Variants in IGF2BP2 observed in about 807,000 individuals in gnomAD.
The protein encoded by IGF2BP2 is insulin like growth factor 2 mRNA binding protein 2, also known as insulin-like growth factor 2 mRNA-binding protein 2.
Under a neutral mutation model 75.8 loss-of-function variants are expected in IGF2BP2, and 17 were observed. The ratio of observed to expected loss-of-function variants is 0.22; its 90% CI spans 0.15 to 0.34. The LOEUF (loss-of-function observed/expected upper bound fraction) is 0.34, where lower values mean the gene tolerates loss of function less well. IGF2BP2 is among the 10% of genes least tolerant of loss of function. The pLI is 1.00. For synonymous variants in IGF2BP2, 288 were observed against 295.6 expected (o/e 0.97, Z 0.26); for missense variants, 516 against 772.4 (o/e 0.67, Z 3.93).
rs530973175 is a variant in IGF2BP2 at position 185,777,628 on chromosome 3, A to G, written c.239+45525T>C. On this transcript the variant is annotated intron_variant, in intron 2 of 15. Coordinates refer to ENST00000382199, the MANE Select transcript of IGF2BP2 (RefSeq NM_006548.6). ...ATAAAAACAAGTAAGATCATTATTT[A>G]CCCAATTTTCAGTGAATCAGTGAGT... Among the ~76,000 whole-genome samples the G allele has an allele frequency of 3.3e-5, 5 of 152,366 alleles. No homozygotes were observed. The South Asian group carries it at 1.0e-3, about 32-fold the overall frequency.
intron 12 of IGF2BP2, among the ~76,000 whole-genome samples, chr3:185,656,782 G>A (rs1227248537): frequency 6.6e-6 from 1 of 152,230 alleles, no homozygotes; most frequent in Non-Finnish European, 1.5e-5. Context: ...ATAAGTCAAG[G>A]ACCGTCCTTC....
chr3:185,740,639 A>ATCCTTTGAGCTACTCT, intron 2 of IGF2BP2, among the ~76,000 whole-genome samples: 1 of 152,322 alleles, frequency 6.6e-6, no homozygotes. Context: ...ATCAAGAGTA[A>ATCCTTTGAGCTACTCT]TCCTTTGAGC....
At chr3:185,802,530 T>A (rs1738422663) in intron 2 of IGF2BP2, among the ~76,000 whole-genome samples, 1 of 152,224 alleles carries the variant, frequency 6.6e-6, no homozygotes, top group East Asian at 1.9e-4. Flanking sequence ...GGTGCTGAAG[T>A]CATGCTCTTC....
intron 2 of IGF2BP2, among the ~76,000 whole-genome samples, chr3:185,814,999 A>G (rs2150033547): frequency 6.6e-6 from 1 of 152,270 alleles, no homozygotes; most frequent in Middle Eastern, 3.4e-3. Context: ...ATCTTTGTGC[A>G]ACATTCTGTA....
At chr3:185,774,594 C>A (rs1487368247) in intron 2 of IGF2BP2, among the ~76,000 whole-genome samples, 65 of 128,952 alleles carry the variant, frequency 5.0e-4, no homozygotes, top group South Asian at 7.6e-4. Flanking sequence ...GACTCTGTCT[C>A]AAAAAAAAAA....
At chr3:185,777,065 C>A (rs891778537) in intron 2 of IGF2BP2, among the ~76,000 whole-genome samples, 3 of 152,126 alleles carry the variant, frequency 2.0e-5, no homozygotes, top group African/African-American at 7.2e-5. Context: ...ATGAGTTTGG[C>A]TCTGAGCTTC....
At chr3:185,708,890 C>T (rs920216466) in intron 2 of IGF2BP2, among the ~76,000 whole-genome samples, 4 of 152,160 alleles carry the variant, frequency 2.6e-5, no homozygotes, top group African/African-American at 9.7e-5. Context: ...CATCTGCATG[C>T]CTGCTTTCAG....
At chr3:185,794,716 G>A (rs1737119484) in intron 2 of IGF2BP2, among the ~76,000 whole-genome samples, 1 of 151,124 alleles carries the variant, frequency 6.6e-6, no homozygotes, top group African/African-American at 2.4e-5. Context: ...GCTCAGTGGT[G>A]GTAAGTACAT....
At chr3:185,704,974 C>G (rs1401133971) in intron 2 of IGF2BP2, among the ~76,000 whole-genome samples, 1 of 152,108 alleles carries the variant, frequency 6.6e-6, no homozygotes, top group Non-Finnish European at 1.5e-5. Flanking sequence ...ACACAATGAA[C>G]AAAAAGCAGT....
intron 2 of IGF2BP2, among the ~76,000 whole-genome samples, chr3:185,713,690 G>C (rs1379583304): frequency 6.6e-6 from 1 of 152,130 alleles, no homozygotes; most frequent in Admixed American, 6.6e-5. Flanking sequence ...TTAGAAGTAA[G>C]TGCTACATAC....
intron 2 of IGF2BP2, among the ~76,000 whole-genome samples, chr3:185,799,999 T>C: frequency 6.6e-6 from 1 of 152,210 alleles, no homozygotes; most frequent in South Asian, 2.1e-4. Context: ...TGTGGCACTA[T>C]TCACAATAGC....
At chr3:185,773,617 G>A (rs535159790) in intron 2 of IGF2BP2, among the ~76,000 whole-genome samples, 5 of 152,254 alleles carry the variant, frequency 3.3e-5, no homozygotes, top group Admixed American at 3.3e-4. Flanking sequence ...GAAGGCCAAG[G>A]AGGGGTTTAT....
intron 2 of IGF2BP2, among the ~76,000 whole-genome samples, chr3:185,755,643 A>T: frequency 6.6e-6 from 1 of 152,212 alleles, no homozygotes; most frequent in East Asian, 1.9e-4. Flanking sequence ...CCACCTTTCA[A>T]ATCAAGATGT....
chr3:185,794,159 T>TCTCA (rs1200805442), intron 2 of IGF2BP2, among the ~76,000 whole-genome samples: 1 of 151,052 alleles, frequency 6.6e-6, no homozygotes, highest in Non-Finnish European at 1.5e-5. Context: ...AGAGGTAGAG[T>TCTCA]CTCACTACAT....
At chr3:185,734,156 C>T (rs1728552378) in intron 2 of IGF2BP2, among the ~76,000 whole-genome samples, 1 of 152,218 alleles carries the variant, frequency 6.6e-6, no homozygotes, top group Non-Finnish European at 1.5e-5. Context: ...CTCACCTCTG[C>T]TCCGGCACCT....
At chr3:185,811,895 G>A (rs1231282232) in intron 2 of IGF2BP2, among the ~76,000 whole-genome samples, 2 of 141,040 alleles carry the variant, frequency 1.4e-5, no homozygotes, top group African/African-American at 5.1e-5. Context: ...TCCCTGCCTG[G>A]GCATCAGAAC....
At chr3:185,737,148 G>T (rs1341004608) in intron 2 of IGF2BP2, among the ~76,000 whole-genome samples, 1 of 151,952 alleles carries the variant, frequency 6.6e-6, no homozygotes, top group Non-Finnish European at 1.5e-5. Context: ...ACATTCCTAG[G>T]GACTGTTATC....
chr3:185,708,085 T>C (rs1236948268), intron 2 of IGF2BP2, among the ~76,000 whole-genome samples: 1 of 152,224 alleles, frequency 6.6e-6, no homozygotes, highest in East Asian at 1.9e-4. Context: ...AGCCTTACCC[T>C]TTTGAACTAG....
At chr3:185,819,695 T>C (rs1407576048) in intron 2 of IGF2BP2, among the ~76,000 whole-genome samples, 2 of 152,084 alleles carry the variant, frequency 1.3e-5, no homozygotes. Context: ...ATGGAATCTA[T>C]GTAAGTAAAT....
Sources: allele counts gnomAD v4.1 joint callset (sites outside exome capture counted in the v4.1 genomes callset), GRCh38; gene constraint gnomAD v4.1.1; transcripts MANE v1.5; gene names NCBI Gene and HGNC (gene_info 2026-07-23, HGNC 2026-07-21).